The following ABLIM1 variants were observed in gnomAD, a reference collection of about 807,000 sequenced individuals.
ABLIM1 encodes the protein actin-binding LIM protein 1.
In ABLIM1, 40 loss-of-function variants were observed where a neutral mutation model predicts 107.0. The observed-to-expected ratio is 0.37, with a 90% confidence interval of 0.29 to 0.49. The LOEUF (loss-of-function observed/expected upper bound fraction) is 0.49. Among genes scored for constraint, ABLIM1 ranks in the 20% least tolerant of loss-of-function variants. The pLI is 0.97. For synonymous variants in ABLIM1, 357 were observed against 357.3 expected (o/e 1.00, Z 0.01); for missense variants, 857 against 1,008.5 (o/e 0.85, Z 2.04).
chr10:114,588,780 C>T (rs4752016), intron 2 of ABLIM1, among the ~76,000 whole-genome samples: 60,230 of 151,868 alleles, frequency 0.4, 14,077 homozygotes, highest in Non-Finnish European at 0.53. Flanking sequence ...ATCGGGATTA[C>T]AGGCATGAGT....
intron 3 of ABLIM1, among the ~76,000 whole-genome samples, chr10:114,572,169 C>T (rs2071779111): frequency 6.6e-6 from 1 of 152,188 alleles, no homozygotes; most frequent in Admixed American, 6.5e-5. Context: ...ATGACAGTTT[C>T]CATGCCCACT....
At chr10:114,515,207 C>T (rs1412641137) in intron 6 of ABLIM1, among the ~76,000 whole-genome samples, 2 of 152,234 alleles carry the variant, frequency 1.3e-5, no homozygotes, top group African/African-American at 4.8e-5. Context: ...CCTGAGCTCA[C>T]AATTCCCGCA....
chr10:114,541,216 T>C (rs1020860800), intron 6 of ABLIM1, among the ~76,000 whole-genome samples: 1 of 151,692 alleles, frequency 6.6e-6, no homozygotes, highest in Non-Finnish European at 1.5e-5. Context: ...GCCTGCACCT[T>C]GCTTTCAGAC....
At chr10:114,770,130 T>A (rs906406306), upstream of ABLIM1, among the ~76,000 whole-genome samples, 1 of 152,220 alleles carries the variant, frequency 6.6e-6, no homozygotes, top group Admixed American at 6.5e-5. Context: ...ATAACATGAC[T>A]AGTTCATGTT....
At chr10:114,797,696 G>A in the ABLIM1 span, among the ~76,000 whole-genome samples, 2 of 152,078 alleles carry the variant, frequency 1.3e-5, no homozygotes, top group South Asian at 2.1e-4. Flanking sequence ...TGTGGCTATT[G>A]AGCACTTGAA....
intron 10 of ABLIM1, among the ~76,000 whole-genome samples, chr10:114,472,663 C>CA (rs900699094): frequency 3.3e-5 from 5 of 152,106 alleles, no homozygotes; most frequent in African/African-American, 1.2e-4. Flanking sequence ...CTAAGACCCC[C>CA]AGGAGACCCT....
Position 114,464,587 on chromosome 10 carries a change from A to G in ABLIM1, c.1441+1111T>C, listed in dbSNP as rs557467840. On this transcript the variant is annotated intron_variant, in intron 12 of 22. Transcript: ENST00000533213. ...AATATAATAGCCCATGAAATAAAGG[A>G]AAAAAAATTCCTGAGAACTTTCATT... is the stretch of plus-strand genomic sequence containing the variant. Among the ~76,000 whole-genome samples, 4 of 152,262 alleles carry G rather than the reference A, an allele frequency of 2.6e-5. No individual in the cohort carries two copies. In the South Asian group the frequency reaches 8.3e-4, roughly 32 times the overall value.
chr10:114,630,953 T>C (rs1371152091), intron 1 of ABLIM1, among the ~76,000 whole-genome samples: 1 of 152,184 alleles, frequency 6.6e-6, no homozygotes, highest in Non-Finnish European at 1.5e-5. Flanking sequence ...TTTATATTCA[T>C]ATGTGTCTGT....
intron 1 of ABLIM1, among the ~76,000 whole-genome samples, chr10:114,741,216 CTTTTT>C (rs751287379): frequency 1.7e-5 from 1 of 59,876 alleles, no homozygotes; most frequent in Non-Finnish European, 3.2e-5. Flanking sequence ...GACTATTCTT[CTTTTT>C]TTTTTTTTTT....
intron 8 of ABLIM1, among the ~76,000 whole-genome samples, chr10:114,486,754 C>T (rs927125744): frequency 5.9e-5 from 9 of 152,018 alleles, no homozygotes; most frequent in Admixed American, 5.9e-4. Context: ...AATAATTGTG[C>T]ATTCTAAAAG....
intron 8 of ABLIM1, chr10:114,485,302 GA>G: frequency 6.2e-7 from 1 of 1,609,392 alleles, no homozygotes; most frequent in Non-Finnish European, 8.5e-7. Context: ...CCAACCTGCA[GA>G]GACGGAGACC....
chr10:114,527,986 C>T (rs896124227), intron 6 of ABLIM1, among the ~76,000 whole-genome samples: 28 of 152,042 alleles, frequency 1.8e-4, no homozygotes, highest in African/African-American at 6.5e-4. Context: ...TACAGGTATG[C>T]ACCACCACAC....
At chr10:114,693,224 GAAA>G (rs1351523536) in intron 1 of ABLIM1, among the ~76,000 whole-genome samples, 1 of 152,188 alleles carries the variant, frequency 6.6e-6, no homozygotes, top group Non-Finnish European at 1.5e-5. Context: ...TTCCACCAAA[GAAA>G]ATTCAGCTCT....
At chr10:114,763,925 C>T (rs1301829622) in intron 1 of ABLIM1, among the ~76,000 whole-genome samples, 1 of 152,156 alleles carries the variant, frequency 6.6e-6, no homozygotes, top group Non-Finnish European at 1.5e-5. Context: ...CCAGTTGACT[C>T]TTATGATCCT....
chr10:114,450,560 C>T (rs2061712364), intron 14 of ABLIM1, among the ~76,000 whole-genome samples: 1 of 151,440 alleles, frequency 6.6e-6, no homozygotes, highest in Non-Finnish European at 1.5e-5. Flanking sequence ...CTCAGCCTCC[C>T]ATGTGGCTGA....
At chr10:114,684,487 AG>A in exon 1 of ABLIM1, 1 of 1,447,786 alleles carries the variant, frequency 6.9e-7, no homozygotes, top group South Asian at 1.5e-5. Flanking sequence ...GACCCGAGGG[AG>A]GGGTGTGCCA....
At chr10:114,485,691 C>T (rs2058086537) in intron 8 of ABLIM1, among the ~76,000 whole-genome samples, 1 of 152,160 alleles carries the variant, frequency 6.6e-6, no homozygotes, top group Admixed American at 6.5e-5. Flanking sequence ...CAACTGAGAG[C>T]CATCCTTGAG....
intron 1 of ABLIM1, among the ~76,000 whole-genome samples, chr10:114,693,557 C>T (rs1238422093): frequency 6.6e-6 from 1 of 152,212 alleles, no homozygotes; most frequent in Non-Finnish European, 1.5e-5. Context: ...AGCTCTTCCT[C>T]GCACAGCGCA....
In ABLIM1 at chr10:114,433,570, G is replaced by C. The variant is rs1265044285; in HGVS notation, c.*2690C>G. 3.3e-5 allele frequency: 5 copies of C among 152,226 alleles called. No individual in the cohort carries two copies. Among genetic ancestry groups the C allele is most frequent in the African/African-American group, 1.2e-4 (5 of 41,456 alleles). The allele number at this position is 152,226 out of a possible 1,614,324, so 9.4% of individuals were successfully genotyped here. On this transcript the variant is annotated 3_prime_UTR_variant, in exon 23 of 23. Transcript: ENST00000533213. Reference sequence around the variant, plus strand: ...ATGAACTCATATGGTACTTGATATGGAAAGAAGCTTTTTTTCTTCTCAAGT... The same window carrying C: ...ATGAACTCATATGGTACTTGATATGCAAAGAAGCTTTTTTTCTTCTCAAGT...
Sources: allele counts gnomAD v4.1 joint callset (sites outside exome capture counted in the v4.1 genomes callset), GRCh38; gene constraint gnomAD v4.1.1; transcripts MANE v1.5; gene names NCBI Gene and HGNC (gene_info 2026-07-23, HGNC 2026-07-21).